Variants in NCKAP5 observed in about 807,000 individuals in gnomAD.
NCKAP5 encodes NCK associated protein 5.
NCKAP5 carries 92 observed loss-of-function variants against 167.0 expected under a neutral mutation model. That is an observed-to-expected ratio of 0.55 (90% CI 0.47 to 0.66). NCKAP5 has a LOEUF of 0.66. Among genes scored for constraint, NCKAP5 ranks in the 30% least tolerant of loss-of-function variants. NCKAP5 has a pLI of 0.00. For missense variants in NCKAP5, 2,378 were observed against 2,315.0 expected (o/e 1.03, Z -0.56); for synonymous variants, 891 against 877.4 (o/e 1.02, Z -0.27).
the NCKAP5 span, among the ~76,000 whole-genome samples, chr2:133,664,226 C>T: frequency 6.6e-6 from 1 of 152,068 alleles, no homozygotes; most frequent in South Asian, 2.1e-4. Context: ...ATGCTATAAA[C>T]AGATACACTG....
intron 8 of NCKAP5, among the ~76,000 whole-genome samples, chr2:132,892,997 GA>G (rs76025687): frequency 0.15 from 16,320 of 107,506 alleles, 1,033 homozygotes; most frequent in East Asian, 0.24. Context: ...TAAAAAAGCT[GA>G]AAAAAAAAAA....
rs78012005 is a variant in NCKAP5 at position 132,722,534 on chromosome 2, C to T, written c.5713+3093G>A. On this transcript the variant is annotated intron_variant, in intron 19 of 19. Coordinates refer to ENST00000409261, the MANE Select transcript of NCKAP5 (RefSeq NM_207363.3). The stretch of plus-strand genomic sequence containing the variant: ...ACCTAGTCTTCTCTTGGGCTACACT[C>T]CCTCCCTTCCTCATCACATTTGGAC... 1.8e-4 allele frequency among the ~76,000 whole-genome samples: 27 copies of T among 152,256 alleles called. No homozygotes were observed. The East Asian group carries it at 3.1e-3, about 17-fold the overall frequency.
the NCKAP5 span, among the ~76,000 whole-genome samples, chr2:133,649,024 C>G: frequency 6.6e-6 from 1 of 151,574 alleles, no homozygotes; most frequent in Non-Finnish European, 1.5e-5. Flanking sequence ...GAGAAAGACT[C>G]AAATACATAA....
chr2:132,876,469 A>T (rs1210025824), intron 9 of NCKAP5, among the ~76,000 whole-genome samples: 1 of 152,214 alleles, frequency 6.6e-6, no homozygotes, highest in Non-Finnish European at 1.5e-5. Flanking sequence ...GAAAAAACTT[A>T]CATAAGGCCT....
At chr2:133,175,853 C>A (rs2084438039) in intron 5 of NCKAP5, among the ~76,000 whole-genome samples, 1 of 152,154 alleles carries the variant, frequency 6.6e-6, no homozygotes, top group Non-Finnish European at 1.5e-5. Context: ...GCTCCATATA[C>A]CAACCTTCAT....
intron 6 of NCKAP5, among the ~76,000 whole-genome samples, chr2:133,083,573 C>A (rs2080883405): frequency 1.3e-5 from 2 of 152,140 alleles, no homozygotes; most frequent in Non-Finnish European, 2.9e-5. Flanking sequence ...AAGTTAAAAG[C>A]AATGGATTGG....
chr2:132,997,250 T>C (rs1464689466), intron 6 of NCKAP5, among the ~76,000 whole-genome samples: 1 of 152,118 alleles, frequency 6.6e-6, no homozygotes, highest in East Asian at 1.9e-4. Context: ...TTGGAGAAAT[T>C]CTGCCTTTAC....
intron 19 of NCKAP5, among the ~76,000 whole-genome samples, chr2:132,701,244 G>A (rs573503701): frequency 4.6e-5 from 7 of 152,204 alleles, no homozygotes; most frequent in Admixed American, 3.9e-4. Flanking sequence ...AAATCATCTT[G>A]TAGGGTTTCC....
chr2:133,129,058 C>T (rs1208490922), intron 6 of NCKAP5, among the ~76,000 whole-genome samples: 1 of 148,908 alleles, frequency 6.7e-6, no homozygotes, highest in Non-Finnish European at 1.5e-5. Context: ...AATAGGATTG[C>T]GATGACCACT....
chr2:133,289,373 T>A (rs895097902), intron 4 of NCKAP5, among the ~76,000 whole-genome samples: 5 of 151,776 alleles, frequency 3.3e-5, no homozygotes, highest in African/African-American at 7.3e-5. Context: ...AAATTCACCC[T>A]CTGTTTGGCA....
At chr2:132,696,660 G>A (rs1045042114) in intron 19 of NCKAP5, among the ~76,000 whole-genome samples, 1 of 152,108 alleles carries the variant, frequency 6.6e-6, no homozygotes, top group African/African-American at 2.4e-5. Flanking sequence ...CATCGTACAT[G>A]ATTCACTGGC....
chr2:133,124,995 G>A (rs1466503927), intron 6 of NCKAP5, among the ~76,000 whole-genome samples: 1 of 152,154 alleles, frequency 6.6e-6, no homozygotes, highest in African/African-American at 2.4e-5. Context: ...GCAGCGAGGT[G>A]AGGCTGCACC....
chr2:133,305,397 G>A (rs1043488792), intron 3 of NCKAP5, among the ~76,000 whole-genome samples: 3 of 152,144 alleles, frequency 2.0e-5, no homozygotes, highest in African/African-American at 7.2e-5. Context: ...TTCATTTATG[G>A]AGGCATTGTA....
the NCKAP5 span, among the ~76,000 whole-genome samples, chr2:133,577,581 A>G: frequency 1.3e-4 from 20 of 151,810 alleles, no homozygotes; most frequent in Non-Finnish European, 2.8e-4. Context: ...GGTTTGTTAC[A>G]TTGTACACAT....
At chr2:132,872,788 G>T (rs968428101) in intron 9 of NCKAP5, among the ~76,000 whole-genome samples, 1 of 152,232 alleles carries the variant, frequency 6.6e-6, no homozygotes, top group African/African-American at 2.4e-5. Context: ...CTATGCTTCT[G>T]ATCTTGGTTG....
At chr2:133,455,023 G>A (rs538300555) in intron 3 of NCKAP5, among the ~76,000 whole-genome samples, 5 of 151,890 alleles carry the variant, frequency 3.3e-5, no homozygotes, top group African/African-American at 4.8e-5. Context: ...AAAATATTTC[G>A]TGTTGACTTG....
At chr2:133,541,666 T>C (rs975857571) in intron 2 of NCKAP5, among the ~76,000 whole-genome samples, 2 of 152,014 alleles carry the variant, frequency 1.3e-5, no homozygotes, top group Non-Finnish European at 2.9e-5. Flanking sequence ...TAATTTTTTG[T>C]TGAATAAATG....
intron 3 of NCKAP5, among the ~76,000 whole-genome samples, chr2:133,456,212 G>A (rs1403829773): frequency 1.3e-5 from 2 of 152,206 alleles, no homozygotes; most frequent in South Asian, 2.1e-4. Flanking sequence ...CCCCCATATT[G>A]CAGCGGTAGC....
intron 8 of NCKAP5, among the ~76,000 whole-genome samples, chr2:132,927,941 C>CA (rs1696041231): frequency 6.6e-6 from 1 of 152,118 alleles, no homozygotes; most frequent in Admixed American, 6.6e-5. Context: ...AACTTTCTTG[C>CA]ATGTTGACTC....
Sources: gnomAD v4.1 joint callset for allele counts (sites outside exome capture counted in the v4.1 genomes callset) on GRCh38, gnomAD v4.1.1 for gene constraint, MANE v1.5 for transcripts, NCBI Gene and HGNC (gene_info 2026-07-23, HGNC 2026-07-21) for gene names.